Variants in KIFC2 observed in about 807,000 individuals in gnomAD.
KIFC2 encodes kinesin-like protein KIFC2.
A neutral mutation model predicts 91.5 loss-of-function variants in KIFC2; 94 were observed. That is an observed-to-expected ratio of 1.03 (90% CI 0.87 to 1.22). KIFC2 has a LOEUF of 1.22. Among genes scored for constraint, KIFC2 ranks in the 50% most tolerant of loss-of-function variants. The pLI is 0.00. For synonymous variants in KIFC2, 729 were observed against 503.9 expected (o/e 1.45, Z -5.98); for missense variants, 1,357 against 1,103.3 (o/e 1.23, Z -3.26).
At chr8:144,469,713 C>G in intron 12 of KIFC2, 66 bp downstream of exon 12, 1 of 1,503,090 alleles carries the variant, frequency 6.7e-7, no homozygotes, top group African/African-American at 1.4e-5. Flanking sequence ...AGGAGAGGCT[C>G]CAGTTTCCCC....
At chr8:144,470,830 C>T (rs963676075) in intron 12 of KIFC2, among the ~76,000 whole-genome samples, 8 of 152,242 alleles carry the variant, frequency 5.3e-5, no homozygotes, top group Admixed American at 6.5e-5. Flanking sequence ...AGGTGCACTG[C>T]CACAAGTGTT....
At chr8:144,470,713 G>A (rs1485519076) in intron 12 of KIFC2, 2 of 152,382 alleles carry the variant, frequency 1.3e-5, no homozygotes, top group African/African-American at 4.8e-5. Flanking sequence ...CTCAGCACCT[G>A]TCTGTGCCTG....
At position 144,467,041 on chromosome 8, in the gene KIFC2, C is replaced by T. The variant is rs759548872; in HGVS notation, c.261C>T (p.Arg87=). 7 of 1,593,638 alleles carry T rather than the reference C, an allele frequency of 4.4e-6. No homozygotes were observed. The highest frequency in any genetic ancestry group is 1.7e-5 in the Admixed American group (1 of 57,884). Residue 87 remains arginine (R), a synonymous_variant, in exon 3 of 18, where the codon CGC becomes CGT. Transcript: ENST00000645548. The stretch of plus-strand genomic sequence containing the variant: ...TGTCCCTGGAAGAGGCCCTACTGCG[C>T]CTCGCCGAGTTCCTCTCCGTCCAGC... ...AAVSLEEALL[R]LAEFLSVQLG... is the part of the protein sequence containing the mutation.
In KIFC2 at chr8:144,469,525, A is replaced by G. The variant is rs756034016; in HGVS notation, c.1258A>G (p.Thr420Ala). The change falls in exon 12 of 18, where the codon ACA becomes GCA. Residue 420 changes from threonine (T) to alanine (A), a missense_variant. By Grantham distance (58) the Thr-to-Ala change is moderately conservative (BLOSUM62 0). Transcript: ENST00000645548. ...IRVLCRLRPG[T>A]SSSLVSVEPG... ...TGTGCTGTGTCGGCTGAGGCCAGGG[A>G]CATCTTCTAGCCTTGTGAGTGTGGA... 6.2e-7 allele frequency: 1 copy of G among 1,613,942 alleles called. No homozygotes were observed. The highest frequency in any genetic ancestry group is 1.1e-5 in the South Asian group (1 of 91,080).
At chr8:144,468,439 G>T (rs1294962226) in intron 8 of KIFC2, 33 bp downstream of exon 8, 2 of 1,605,540 alleles carry the variant, frequency 1.2e-6, no homozygotes, top group African/African-American at 1.3e-5. Flanking sequence ...CATGGCTCAG[G>T]GGTGAGGCGG....
intron 10 of KIFC2, 73 bp downstream of exon 10, chr8:144,468,907 T>C (rs1824808449): frequency 3.1e-6 from 4 of 1,291,894 alleles, no homozygotes; most frequent in Non-Finnish European, 4.4e-6. Flanking sequence ...GGGGCGTTCC[T>C]GGGGAGTTGG....
chr8:144,468,737 G>A lies in KIFC2; in HGVS notation c.1016G>A (p.Arg339Gln), dbSNP rs770616243. The change falls in exon 10 of 18, where the codon CGG (arginine) becomes CAG (glutamine). Residue 339 changes from arginine to glutamine, a missense_variant. Arg to Gln is a conservative substitution (Grantham distance 43). Transcript: ENST00000645548. ...CTTCCCTCTCCAGGACTTCGGGCAC[G>A]GATGGCCAGCCTGCGTCAGGGCTGC... ...MHGQLAGLRA[R>Q]MASLRQGCGD... 2.1e-5 allele frequency: 34 copies of A among 1,613,940 alleles called. 1 individual carries two copies. In the East Asian group the frequency reaches 2.9e-4, roughly 14 times the overall value.
chr8:144,468,440 G>T, intron 8 of KIFC2, 34 bp downstream of exon 8: 1 of 1,605,902 alleles, frequency 6.2e-7, no homozygotes. Context: ...ATGGCTCAGG[G>T]GTGAGGCGGG....
In KIFC2 at chr8:144,468,313, C is replaced by T. The variant is rs771015434; in HGVS notation, c.811-16C>T. 1.2e-6 allele frequency: 2 copies of T among 1,601,714 alleles called. No individual in the cohort carries two copies. The highest frequency in any genetic ancestry group is 2.7e-5 in the African/African-American group (2 of 74,802). On this transcript the variant is annotated splice_polypyrimidine_tract_variant and intron_variant, in intron 7 of 17. Transcript: ENST00000645548. ...CGTCCCTCTCTGAGTCCCTCCTGGC[C>T]CCCACCCTCCCGCAGGAGGAGGCAG...
intron 12 of KIFC2, among the ~76,000 whole-genome samples, chr8:144,471,722 T>C (rs1824932275): frequency 6.6e-6 from 1 of 152,206 alleles, no homozygotes; most frequent in Non-Finnish European, 1.5e-5. Flanking sequence ...TCATTGTGTC[T>C]TTTCCCTTCT....
At position 144,472,192 on chromosome 8, in the gene KIFC2, G is replaced by A; in HGVS notation, c.1540G>A (p.Glu514Lys). The A allele has an allele frequency of 1.2e-6, 2 of 1,613,386 alleles. No homozygotes were observed. Among genetic ancestry groups the A allele is most frequent in the Non-Finnish European group, 1.7e-6 (2 of 1,180,018 alleles). ...VPRALQSLFR[E>K]MGAGRQHRVT... is the part of the protein sequence containing the mutation. ...TAGGGCGCTGCAGTCGCTGTTCCGG[G>A]AGATGGGGGCCGGCCGGCAGCACCG... Residue 514 changes from glutamate (E) to lysine (K), a missense_variant, in exon 14 of 18, where the codon GAG (glutamate) becomes AAG (lysine). Coordinates refer to ENST00000645548, the MANE Select transcript of KIFC2 (RefSeq NM_001369769.2).
Position 144,466,766 on chromosome 8 carries a change from C to G in KIFC2, c.106C>G (p.Arg36Gly), listed in dbSNP as rs1320040300. The change falls in exon 2 of 18, where the codon CGC (arginine) becomes GGC (glycine). Residue 36 changes from arginine (R) to glycine (G), a missense_variant. Transcript: ENST00000645548. ...AEPGDPAQRARKPRGRRRPDL... is the reference protein window; with the variant it reads ...AEPGDPAQRAGKPRGRRRPDL... The stretch of plus-strand genomic sequence containing the variant: ...GCCCCTGCCCCCTCCCTAGAGAGCC[C>G]GCAAGCCCCGGGGTCGCCGGCGCCC... The G allele has an allele frequency of 6.5e-7, 1 of 1,531,168 alleles. No homozygotes were observed. The highest frequency in any genetic ancestry group is 8.7e-7 in the Non-Finnish European group (1 of 1,145,880). 94.8% of individuals were successfully genotyped at this position (1,531,168 alleles called of 1,614,324 possible).
At position 144,467,872 on chromosome 8, in the gene KIFC2, C is replaced by CA. The variant is rs751422682; in HGVS notation, c.696dup (p.Glu233ArgfsTer93). On this transcript the variant is annotated frameshift_variant, in exon 7 of 18. Coordinates refer to ENST00000645548, the MANE Select transcript of KIFC2 (RefSeq NM_001369769.2). LOFTEE classifies it high-confidence loss of function. ...CCTCTCCACCAGGGGGCGACGGACT[C>CA]AGAGAAAAGGGTTCAGCATCTGACT... 6.2e-7 allele frequency: 1 copy of CA among 1,613,474 alleles called. No individual in the cohort carries two copies. Among genetic ancestry groups the CA allele is most frequent in the South Asian group, 1.1e-5 (1 of 91,078 alleles).
At chr8:144,467,378 A>C (rs1436176463) in intron 4 of KIFC2, 37 bp downstream of exon 4, 1 of 1,567,510 alleles carries the variant, frequency 6.4e-7, no homozygotes, top group African/African-American at 1.4e-5. Flanking sequence ...AGAACTCTGG[A>C]GGGAGCAAAT....
intron 4 of KIFC2, 62 bp from the exon 5 acceptor site, chr8:144,467,423 C>G: frequency 1.3e-6 from 2 of 1,541,984 alleles, no homozygotes; most frequent in South Asian, 1.3e-5. Context: ...AGTTCGGGGT[C>G]ATGTTCCGGA....
Position 144,474,198 on chromosome 8 carries a change from G to T in KIFC2, c.*809G>T. 1 of 1,453,174 alleles carries T rather than the reference G, an allele frequency of 6.9e-7. No homozygotes were observed. Among genetic ancestry groups the T allele is most frequent in the Non-Finnish European group, 9.3e-7 (1 of 1,079,426 alleles). 90.0% of individuals were successfully genotyped at this position (1,453,174 alleles called of 1,614,324 possible). A position where few individuals can be genotyped will look rare whatever the true frequency, so the allele number is the denominator to read the frequency against. ...TTGGCTCCCTGTCAACAAGGTGGGG[G>T]TGGGAGCGGGAGGGAGGAGTGGCCC... On this transcript the variant is annotated 3_prime_UTR_variant, in exon 18 of 18. Coordinates refer to ENST00000645548, the MANE Select transcript of KIFC2 (RefSeq NM_001369769.2).
In KIFC2 at chr8:144,473,401, G is replaced by A. The variant is rs746892737; in HGVS notation, c.*12G>A. On this transcript the variant is annotated 3_prime_UTR_variant, in exon 18 of 18. Coordinates refer to ENST00000645548, the MANE Select transcript of KIFC2 (RefSeq NM_001369769.2). Reference sequence around the variant, plus strand: ...GCCTGCCCCTCTAGTCCTGGGTCGCGGCCCTGCCCATGGGGTCTCAGGCCA... The same window carrying A: ...GCCTGCCCCTCTAGTCCTGGGTCGCAGCCCTGCCCATGGGGTCTCAGGCCA... 2 of 1,572,166 alleles carry A rather than the reference G, an allele frequency of 1.3e-6. No homozygotes were observed. Among genetic ancestry groups the A allele is most frequent in the Admixed American group, 1.8e-5 (1 of 55,534 alleles).
chr8:144,466,858 C>A lies in KIFC2; in HGVS notation c.178+20C>A. The A allele has an allele frequency of 6.5e-7, 1 of 1,536,612 alleles. No individual in the cohort carries two copies. Among genetic ancestry groups the A allele is most frequent in the Non-Finnish European group, 8.7e-7 (1 of 1,147,870 alleles). On this transcript the variant is annotated intron_variant, in intron 2 of 17. Transcript: ENST00000645548. ...TGGCCGGTAGGTGCGGGCTGGGAGTCCCGCGGTGCGAGGGCGGTGCCGGGA... is the reference window on the plus strand; with the variant it reads ...TGGCCGGTAGGTGCGGGCTGGGAGTACCGCGGTGCGAGGGCGGTGCCGGGA...
intron 1 of KIFC2, 118 bp from the exon 2 acceptor site, chr8:144,466,642 T>A (rs917437224): frequency 7.2e-6 from 7 of 973,186 alleles, no homozygotes; most frequent in African/African-American, 1.8e-5. Flanking sequence ...GACCCTCGGC[T>A]CGGCCCCGAT....
Sources: allele counts gnomAD v4.1 joint callset (sites outside exome capture counted in the v4.1 genomes callset), GRCh38; gene constraint gnomAD v4.1.1; transcripts MANE v1.5; gene names NCBI Gene and HGNC (gene_info 2026-07-23, HGNC 2026-07-21).